Variants in PANX2 observed in about 807,000 individuals in gnomAD.
PANX2 encodes pannexin-2.
PANX2 carries 30 observed loss-of-function variants against 38.7 expected under a neutral mutation model. That is an observed-to-expected ratio of 0.78 (90% CI 0.58 to 1.05). PANX2 has a LOEUF of 1.05. Among genes scored for constraint, PANX2 ranks in the 50% least tolerant of loss-of-function variants. PANX2 has a pLI of 0.00. For synonymous variants in PANX2, 539 were observed against 472.1 expected (o/e 1.14, Z -1.84); for missense variants, 880 against 979.3 (o/e 0.90, Z 1.35).
intron 2 of PANX2, among the ~76,000 whole-genome samples, chr22:50,178,638 T>G (rs1300309719): frequency 6.6e-6 from 1 of 151,678 alleles, no homozygotes; most frequent in African/African-American, 2.4e-5. Flanking sequence ...GGGAGGCAGG[T>G]GGGGAAGATG....
rs1393810224 is a variant in PANX2, at chr22:50,180,176, G to A, written c.*899G>A. 1 of 152,290 alleles carries A rather than the reference G, an allele frequency of 6.6e-6. No individual in the cohort carries two copies. Among genetic ancestry groups the A allele is most frequent in the Non-Finnish European group, 1.5e-5 (1 of 68,064 alleles). The allele number at this position is 152,290 out of a possible 1,614,324, so 9.4% of individuals were successfully genotyped here. On this transcript the variant is annotated 3_prime_UTR_variant, in exon 3 of 3. Coordinates refer to ENST00000395842, the MANE Select transcript of PANX2 (RefSeq NM_052839.4). Reference sequence around the variant, plus strand: ...CGCGGCTGAGGCCACATGGCTTCCTGTGGGAGCCCCGGCCGGCACCCGGCT... The same window carrying A: ...CGCGGCTGAGGCCACATGGCTTCCTATGGGAGCCCCGGCCGGCACCCGGCT...
In PANX2 at chr22:50,178,131, C is replaced by A. The variant is rs781220429; in HGVS notation, c.1419C>A (p.Ile473=). The change falls in exon 2 of 3, where the codon ATC becomes ATA. Residue 473 remains isoleucine, a synonymous_variant. Coordinates refer to ENST00000395842, the MANE Select transcript of PANX2 (RefSeq NM_052839.4). ...GGAAGACGGCCACGGACACGCTGATCGCGCCGCTGCTGGACCGCTCCGCCC... is the reference window on the plus strand; with the variant it reads ...GGAAGACGGCCACGGACACGCTGATAGCGCCGCTGCTGGACCGCTCCGCCC... ...ARRKTATDTL[I]APLLDRSAHH... 1 of 1,532,932 alleles carries A rather than the reference C, an allele frequency of 6.5e-7. No homozygotes were observed. The allele number at this position is 1,532,932 out of a possible 1,614,324, so 95.0% of individuals were successfully genotyped here.
rs2063673557 is a variant in PANX2 at position 50,178,095 on chromosome 22, G to A, written c.1383G>A (p.Lys461=). ...AGAACAGCAAGGCGGAGAAGCCGAA[G>A]CCCGCGCGCAGGAAGACGGCCACGG... ...RVENSKAEKP[K]PARRKTATDT... The change falls in exon 2 of 3, where the codon AAG becomes AAA. Residue 461 remains lysine (K), a synonymous_variant. Coordinates refer to ENST00000395842, the MANE Select transcript of PANX2 (RefSeq NM_052839.4). 2.6e-6 allele frequency: 4 copies of A among 1,549,746 alleles called. No homozygotes were observed. Among genetic ancestry groups the A allele is most frequent in the African/African-American group, 1.4e-5 (1 of 72,962 alleles).
At position 50,178,060 on chromosome 22, in the gene PANX2, A is replaced by T; in HGVS notation, c.1348A>T (p.Met450Leu). Residue 450 changes from methionine (M) to leucine (L), a missense_variant, in exon 2 of 3, where the codon ATG (methionine) becomes TTG (leucine). By Grantham distance (15) the Met-to-Leu change is conservative (BLOSUM62 2). This residue lies in a region of PANX2 where 445 missense variants were observed against 404.3 expected (regional missense o/e 1.10). Coordinates refer to ENST00000395842, the MANE Select transcript of PANX2 (RefSeq NM_052839.4). ...GCCCTTCAAGGAGCCGCTGGCCATCATGCGCGTGGAGAACAGCAAGGCGGA... is the reference window on the plus strand; with the variant it reads ...GCCCTTCAAGGAGCCGCTGGCCATCTTGCGCGTGGAGAACAGCAAGGCGGA... Reference protein sequence around the residue: ...PQPFKEPLAIMRVENSKAEKP... With the variant: ...PQPFKEPLAILRVENSKAEKP... 6.4e-7 allele frequency: 1 copy of T among 1,554,054 alleles called. No homozygotes were observed. The highest frequency in any genetic ancestry group is 8.6e-7 in the Non-Finnish European group (1 of 1,157,416).
At chr22:50,175,529 G>T in intron 1 of PANX2, 1 of 1,064,304 alleles carries the variant, frequency 9.4e-7, no homozygotes, top group Non-Finnish European at 1.3e-6. Context: ...GGATTCCTTT[G>T]CCTTGTCCGG....
chr22:50,173,575 C>T (rs1248537115), intron 1 of PANX2, among the ~76,000 whole-genome samples: 1 of 152,242 alleles, frequency 6.6e-6, no homozygotes, highest in East Asian at 1.9e-4. Context: ...GGAAGGGTCT[C>T]GGCCCCCCTC....
In PANX2 at chr22:50,179,443, C is replaced by T. The variant is rs760730997; in HGVS notation, c.*166C>T. 1.7e-5 allele frequency: 11 copies of T among 654,564 alleles called. No individual in the cohort carries two copies. The highest frequency in any genetic ancestry group is 3.0e-5 in the Admixed American group (1 of 33,380). 40.5% of individuals were successfully genotyped at this position (654,564 alleles called of 1,614,324 possible). A position where few individuals can be genotyped will look rare whatever the true frequency, so the allele number is the denominator to read the frequency against. On this transcript the variant is annotated 3_prime_UTR_variant, in exon 3 of 3. Transcript: ENST00000395842. The stretch of plus-strand genomic sequence containing the variant: ...CCTGGGGCCTTCGCCCCCACGTGCT[C>T]GACAGGGGAACCCGCCCGGACGGCA...
In PANX2 at chr22:50,177,547, T is replaced by G. The variant is rs779716815; in HGVS notation, c.835T>G (p.Cys279Gly). ...AGAGPAVRVS[C>G]KLPSVQLQRI... ...TGCGGGGCCCGCGGTGCGCGTGAGC[T>G]GCAAGCTCCCGTCCGTGCAACTGCA... Residue 279 changes from cysteine (C) to glycine (G), a missense_variant, in exon 2 of 3, where the codon TGC becomes GGC. Coordinates refer to ENST00000395842, the MANE Select transcript of PANX2 (RefSeq NM_052839.4). 6.2e-7 allele frequency: 1 copy of G among 1,611,706 alleles called. No individual in the cohort carries two copies.
In PANX2 at chr22:50,178,031, C is replaced by T; in HGVS notation, c.1319C>T (p.Pro440Leu). The T allele has an allele frequency of 6.5e-7, 1 of 1,549,430 alleles. No homozygotes were observed. Among genetic ancestry groups the T allele is most frequent in the Non-Finnish European group, 8.7e-7 (1 of 1,153,814 alleles). Residue 440 changes from proline (P) to leucine (L), a missense_variant, in exon 2 of 3, where the codon CCG becomes CTG. Around this residue, in one of 4 missense-constraint regions of PANX2, gnomAD observed 445 missense variants for 404.3 expected, o/e 1.10. Coordinates refer to ENST00000395842, the MANE Select transcript of PANX2 (RefSeq NM_052839.4). Reference protein sequence around the residue: ...MKWIPTSNPLPQPFKEPLAIM... With the variant: ...MKWIPTSNPLLQPFKEPLAIM... ...TGGATCCCCACCAGCAACCCGCTTC[C>T]GCAGCCCTTCAAGGAGCCGCTGGCC...
Position 50,178,053 on chromosome 22 carries a change from G to A in PANX2, c.1341G>A (p.Leu447=), listed in dbSNP as rs2063673264. 2 of 1,553,474 alleles carry A rather than the reference G, an allele frequency of 1.3e-6. No homozygotes were observed. Among genetic ancestry groups the A allele is most frequent in the East Asian group, 2.4e-5 (1 of 42,006 alleles). ...NPLPQPFKEP[L]AIMRVENSKA... ...TTCCGCAGCCCTTCAAGGAGCCGCT[G>A]GCCATCATGCGCGTGGAGAACAGCA... Residue 447 remains leucine (L), a synonymous_variant, in exon 2 of 3, where the codon CTG becomes CTA. Coordinates refer to ENST00000395842, the MANE Select transcript of PANX2 (RefSeq NM_052839.4).
chr22:50,170,971 C>T lies in PANX2; in HGVS notation c.226+15C>T, dbSNP rs1214714173. The T allele has an allele frequency of 5.1e-6, 7 of 1,376,292 alleles. No individual in the cohort carries two copies. Among genetic ancestry groups the T allele is most frequent in the Non-Finnish European group, 6.8e-6 (7 of 1,025,210 alleles). The allele number at this position is 1,376,292 out of a possible 1,614,324, so 85.3% of individuals were successfully genotyped here. A position where few individuals can be genotyped will look rare whatever the true frequency, so the allele number is the denominator to read the frequency against. On this transcript the variant is annotated intron_variant, in intron 1 of 2. Transcript: ENST00000395842. ...GAACTTCGCAGGTGAGGCCGGCGGC[C>T]GGGGCGCGGGGCGCGGGCAGAGGGG...
intron 2 of PANX2, among the ~76,000 whole-genome samples, chr22:50,178,620 AC>A (rs1208882517): frequency 6.6e-6 from 1 of 151,742 alleles, no homozygotes; most frequent in Non-Finnish European, 1.5e-5. Context: ...GGCCCTGGAG[AC>A]CCCCCCGGGA....
intron 1 of PANX2, among the ~76,000 whole-genome samples, chr22:50,172,121 C>T (rs952552245): frequency 2.6e-5 from 4 of 152,220 alleles, no homozygotes; most frequent in Non-Finnish European, 5.9e-5. Flanking sequence ...GGAGCCCAGG[C>T]GTGCGGTGGG....
chr22:50,177,049 A>G lies in PANX2; in HGVS notation c.337A>G (p.Ser113Gly). 1 of 1,609,668 alleles carries G rather than the reference A, an allele frequency of 6.2e-7. No homozygotes were observed. Among genetic ancestry groups the G allele is most frequent in the Non-Finnish European group, 8.5e-7 (1 of 1,178,838 alleles). ...LRDALPGVDA[S>G]LWPSLFEHKF... ...GGACGCGCTGCCCGGCGTGGACGCCAGCCTGTGGCCGTCGCTGTTTGAGCA... is the reference window on the plus strand; with the variant it reads ...GGACGCGCTGCCCGGCGTGGACGCCGGCCTGTGGCCGTCGCTGTTTGAGCA... The change falls in exon 2 of 3, where the codon AGC becomes GGC. Residue 113 changes from serine (S) to glycine (G), a missense_variant. This residue lies in a region of PANX2 where 243 missense variants were observed against 333.1 expected (regional missense o/e 0.73). Coordinates refer to ENST00000395842, the MANE Select transcript of PANX2 (RefSeq NM_052839.4).
Position 50,178,167 on chromosome 22 carries a change from G to A in PANX2, c.1455G>A (p.Lys485=), listed in dbSNP as rs775612071. Residue 485 remains lysine (K), a synonymous_variant, in exon 2 of 3, where the codon AAG becomes AAA. Transcript: ENST00000395842. ...PLLDRSAHHY[K]GGGGDPGPGP... The stretch of plus-strand genomic sequence containing the variant: ...TGGACCGCTCCGCCCACCACTACAA[G>A]GGCGGAGGGGGCGACCCGGGCCCCG... 211 of 1,496,720 alleles carry A rather than the reference G, an allele frequency of 1.4e-4. No individual in the cohort carries two copies. The highest frequency in any genetic ancestry group is 1.8e-4 in the Non-Finnish European group (206 of 1,133,402). 92.7% of individuals were successfully genotyped at this position (1,496,720 alleles called of 1,614,324 possible).
chr22:50,177,866 C>T lies in PANX2; in HGVS notation c.1154C>T (p.Ala385Val), dbSNP rs746198050. Reference sequence around the variant, plus strand: ...AACGTGGTCCGGCAGCTGCTGGCGGCGCTGGCGCAGTCCAACCACGACGCC... The same window carrying T: ...AACGTGGTCCGGCAGCTGCTGGCGGTGCTGGCGCAGTCCAACCACGACGCC... ...YDNVVRQLLA[A>V]LAQSNHDATP... The change falls in exon 2 of 3, where the codon GCG becomes GTG. Residue 385 changes from alanine to valine, a missense_variant. By Grantham distance (64) the Ala-to-Val change is moderately conservative. Around this residue, in one of 4 missense-constraint regions of PANX2, gnomAD observed 78 missense variants for 133.1 expected, o/e 0.59. Coordinates refer to ENST00000395842, the MANE Select transcript of PANX2 (RefSeq NM_052839.4). The T allele has an allele frequency of 6.4e-7, 1 of 1,567,252 alleles. No homozygotes were observed. The highest frequency in any genetic ancestry group is 8.6e-7 in the Non-Finnish European group (1 of 1,163,032).
At chr22:50,178,778 C>T (rs997983330) in intron 2 of PANX2, among the ~76,000 whole-genome samples, 156 bp from the exon 3 acceptor site, 1 of 152,180 alleles carries the variant, frequency 6.6e-6, no homozygotes, top group African/African-American at 2.4e-5. Context: ...GGGGTGTTCC[C>T]AGGCCAACTG....
rs7286904 is a variant in PANX2, at chr22:50,178,227, T to A, written c.1515T>A (p.Pro505=). The stretch of plus-strand genomic sequence containing the variant: ...CTGCCCCCGCCCCGCCGCCCGCCCC[T>A]GACAAGAAGCACGCGCGCCACTTCT... The part of the protein sequence containing the change: ...PAPAPAPPPA[P]DKKHARHFSL... Residue 505 remains proline, a synonymous_variant, in exon 2 of 3, where the codon CCT becomes CCA. Coordinates refer to ENST00000395842, the MANE Select transcript of PANX2 (RefSeq NM_052839.4). 5.4e-5 allele frequency: 80 copies of A among 1,475,244 alleles called. 1 individual carries two copies. In the East Asian group the frequency reaches 1.5e-3, roughly 28 times the overall value. 91.4% of individuals were successfully genotyped at this position (1,475,244 alleles called of 1,614,324 possible).
At chr22:50,171,879 ACCT>A in intron 1 of PANX2, among the ~76,000 whole-genome samples, 1 of 151,924 alleles carries the variant, frequency 6.6e-6, no homozygotes, top group African/African-American at 2.4e-5. Context: ...CAGCCTCCAA[ACCT>A]CAGCAGACCC....
Sources: allele counts gnomAD v4.1 joint callset (sites outside exome capture counted in the v4.1 genomes callset), GRCh38; gene constraint gnomAD v4.1.1; regional missense constraint gnomAD v4.1.1; transcripts MANE v1.5; gene names NCBI Gene and HGNC (gene_info 2026-07-23, HGNC 2026-07-21).